The following GTF3A variants were observed in gnomAD, a reference collection of about 807,000 sequenced individuals.
GTF3A encodes general transcription factor IIIA, also known as transcription factor IIIA.
A neutral mutation model predicts 37.6 loss-of-function variants in GTF3A; 40 were observed. The ratio of observed to expected loss-of-function variants is 1.06; its 90% confidence interval spans 0.83 to 1.38. The LOEUF (loss-of-function observed/expected upper bound fraction) is 1.38, where lower values mean the gene tolerates loss of function less well. Ranked by LOEUF, GTF3A falls within the 40% of genes most tolerant of loss-of-function variation. The pLI is 0.00. For missense variants in GTF3A, 500 were observed against 462.6 expected, an observed-to-expected ratio of 1.08 and a Z score of -0.74; for synonymous variants, 191 against 166.7, an observed-to-expected ratio of 1.15 and a Z score of -1.12.
chr13:27,425,122 A>T (rs543903010), intron 1 of GTF3A, 184 bp downstream of exon 1: 1 of 527,500 alleles, frequency 1.9e-6, no homozygotes, highest in Admixed American at 3.9e-5. Context: ...TGCGACCTTG[A>T]TATCCATGGC....
chr13:27,433,089 C>G (rs548317157), intron 5 of GTF3A, among the ~76,000 whole-genome samples: 60 of 152,066 alleles, frequency 3.9e-4, no homozygotes, highest in African/African-American at 1.3e-3. Flanking sequence ...TTTGATGCTT[C>G]TGTCATTTTT....
In GTF3A at chr13:27,424,838, C is replaced by T; in HGVS notation, c.101C>T (p.Pro34Leu). The T allele has an allele frequency of 1.0e-5, 16 of 1,550,968 alleles. No homozygotes were observed. Among genetic ancestry groups the T allele is most frequent in the Non-Finnish European group, 1.4e-5 (16 of 1,146,842 alleles). ...AGCTCAGCTCCGACCCCGCCGCGCCCCGCGCTTCCCAGGAGGTTCATCTGC... is the reference window on the plus strand; with the variant it reads ...AGCTCAGCTCCGACCCCGCCGCGCCTCGCGCTTCCCAGGAGGTTCATCTGC... The change falls in exon 1 of 9, where the codon CCC (proline) becomes CTC (leucine). Residue 34 changes from proline (P) to leucine (L), a missense_variant. By Grantham distance (98) the Pro-to-Leu change is moderately conservative. Coordinates refer to ENST00000381140, the MANE Select transcript of GTF3A (RefSeq NM_002097.3).
In GTF3A at chr13:27,429,927, T is replaced by C; in HGVS notation, c.360T>C (p.His120=). The C allele has an allele frequency of 6.5e-7, 1 of 1,539,234 alleles. No homozygotes were observed. Among genetic ancestry groups the C allele is most frequent in the Non-Finnish European group, 8.8e-7 (1 of 1,142,272 alleles). The stretch of plus-strand genomic sequence containing the variant: ...ACACAAAATCAAACTTGAAGAAACA[T>C]TTTGAACGCAAACATGAAAATCAAC... Residue 120 remains histidine, a synonymous_variant, in exon 3 of 9, where the codon CAT becomes CAC. Coordinates refer to ENST00000381140, the MANE Select transcript of GTF3A (RefSeq NM_002097.3).
chr13:27,427,010 C>T lies in GTF3A; in HGVS notation c.202-82C>T, dbSNP rs558141924. 4.9e-4 allele frequency: 365 copies of T among 751,200 alleles called. 3 individuals carry two copies. The African/African-American group carries it at 5.8e-3, about 12-fold the overall frequency. 46.5% of individuals were successfully genotyped at this position (751,200 alleles called of 1,614,324 possible). The stretch of plus-strand genomic sequence containing the variant: ...CTTCATAGGAAGCCTGTGGCCTTAA[C>T]ACTAGGCAGTTTAAGCTTTTAAATA... On this transcript the variant is annotated intron_variant, in intron 1 of 8. Coordinates refer to ENST00000381140, the MANE Select transcript of GTF3A (RefSeq NM_002097.3).
At chr13:27,428,167 A>G (rs1953623218) in intron 2 of GTF3A, among the ~76,000 whole-genome samples, 2 of 152,182 alleles carry the variant, frequency 1.3e-5, no homozygotes, top group South Asian at 4.1e-4. Flanking sequence ...AACTGAGCTC[A>G]CTTTTCTGTT....
At chr13:27,429,676 G>A (rs1020349605) in intron 2 of GTF3A, among the ~76,000 whole-genome samples, 194 bp from the exon 3 acceptor site, 4 of 152,168 alleles carry the variant, frequency 2.6e-5, no homozygotes, top group African/African-American at 7.2e-5. Context: ...ATATGAAAAA[G>A]CATTTTGTTA....
rs1409585999 is a variant in GTF3A, at chr13:27,424,949, C to T, written c.201+11C>T. The T allele has an allele frequency of 2.6e-6, 4 of 1,539,118 alleles. No individual in the cohort carries two copies. The highest frequency in any genetic ancestry group is 2.5e-5 in the East Asian group (1 of 39,974). On this transcript the variant is annotated intron_variant, in intron 1 of 8. Transcript: ENST00000381140. ...AAGCACACGGGGGAGGTGAGGGGGG[C>T]GAGGCTGCCAACCCTGGGCCTAGGG...
intron 1 of GTF3A, 86 bp downstream of exon 1, chr13:27,425,024 G>T (rs1474476454): frequency 7.5e-6 from 7 of 933,622 alleles, no homozygotes; most frequent in Non-Finnish European, 1.1e-5. Context: ...AGGGCCGCAG[G>T]CCCCGCTGTG....
intron 8 of GTF3A, 116 bp downstream of exon 8, chr13:27,435,308 G>A: frequency 1.6e-6 from 2 of 1,271,782 alleles, no homozygotes; most frequent in Admixed American, 4.1e-5. Flanking sequence ...CACTACTGTT[G>A]AAGACTTTAC....
At chr13:27,430,279 G>A (rs1203242337) in intron 3 of GTF3A, among the ~76,000 whole-genome samples, 3 of 152,206 alleles carry the variant, frequency 2.0e-5, no homozygotes, top group Admixed American at 1.3e-4. Context: ...AATGATAAAG[G>A]TTTTAATTTG....
chr13:27,431,696 T>C (rs1953659024), intron 4 of GTF3A, among the ~76,000 whole-genome samples: 1 of 152,026 alleles, frequency 6.6e-6, no homozygotes, highest in Non-Finnish European at 1.5e-5. Flanking sequence ...GCTGCTTGAG[T>C]GATGGTGCGC....
At chr13:27,432,675 G>T in intron 4 of GTF3A, 56 bp from the exon 5 acceptor site, 1 of 1,414,298 alleles carries the variant, frequency 7.1e-7, no homozygotes, top group South Asian at 1.2e-5. Flanking sequence ...CATTGACCTT[G>T]AGCGGAGTTC....
At position 27,429,962 on chromosome 13, in the gene GTF3A, A is replaced by C; in HGVS notation, c.395A>C (p.Tyr132Ser). Residue 132 changes from tyrosine to serine, a missense_variant, in exon 3 of 9, where the codon TAT (tyrosine) becomes TCT (serine). Physicochemically the swap from Tyr to Ser is moderately radical, Grantham distance 144 (BLOSUM62 -2). Coordinates refer to ENST00000381140, the MANE Select transcript of GTF3A (RefSeq NM_002097.3). ...AAACATGAAAATCAACAAAAACAAT[A>C]TATAGTAAGTATGATTTTATATGCT... 6.9e-7 allele frequency: 1 copy of C among 1,459,180 alleles called. No individual in the cohort carries two copies. Among genetic ancestry groups the C allele is most frequent in the Non-Finnish European group, 9.3e-7 (1 of 1,077,132 alleles). The allele number at this position is 1,459,180 out of a possible 1,614,324, so 90.4% of individuals were successfully genotyped here.
rs1218825 is a variant in GTF3A, at chr13:27,435,783, G to T, written c.*186G>T. 4 of 1,613,984 alleles carry T rather than the reference G, an allele frequency of 2.5e-6. No individual in the cohort carries two copies. Among genetic ancestry groups the T allele is most frequent in the African/African-American group, 1.3e-5 (1 of 74,888 alleles). On this transcript the variant is annotated 3_prime_UTR_variant, in exon 9 of 9. Coordinates refer to ENST00000381140, the MANE Select transcript of GTF3A (RefSeq NM_002097.3). ...TATATGCCTTCTCCTCATTTTTGCT[G>T]AAAGCACGAAGAACACACATTAAAG... is the stretch of plus-strand genomic sequence containing the variant.
At chr13:27,434,515 G>A in intron 6 of GTF3A, 1 of 514,734 alleles carries the variant, frequency 1.9e-6, no homozygotes, top group South Asian at 2.6e-5. Context: ...GCATACTGGG[G>A]GACAAGGAAG....
chr13:27,426,039 A>C (rs1033562566), intron 1 of GTF3A: 33 of 152,652 alleles, frequency 2.2e-4, no homozygotes, highest in African/African-American at 7.9e-4. Flanking sequence ...GCGGTCTTAC[A>C]TAGCCACCGG....
chr13:27,424,750 G>C lies in GTF3A; in HGVS notation c.13G>C (p.Ala5Pro), dbSNP rs1279132748. The change falls in exon 1 of 9, where the codon GCC becomes CCC. Residue 5 changes from alanine (A) to proline (P), a missense_variant. Ala to Pro is a conservative substitution (Grantham distance 27, BLOSUM62 -1). Coordinates refer to ENST00000381140, the MANE Select transcript of GTF3A (RefSeq NM_002097.3). ...AGGCGCCGGCGCCCTGGATCCGCCG[G>C]CCGTGGTCGCCGAGTCGGTGTCGTC... The C allele has an allele frequency of 2.0e-6, 3 of 1,475,724 alleles. No homozygotes were observed. The highest frequency in any genetic ancestry group is 2.6e-5 in the South Asian group (2 of 75,634). 91.4% of individuals were successfully genotyped at this position (1,475,724 alleles called of 1,614,324 possible).
chr13:27,435,536 A>G lies in GTF3A; in HGVS notation c.1037A>G (p.Glu346Gly). 6.2e-7 allele frequency: 1 copy of G among 1,613,360 alleles called. No homozygotes were observed. Among genetic ancestry groups the G allele is most frequent in the Non-Finnish European group, 8.5e-7 (1 of 1,179,374 alleles). ...GGCTTATCTTTGTGTCAAAACGGAG[A>G]GTCACCCAACTGTGTGGAAGACAAG... The change falls in exon 9 of 9, where the codon GAG becomes GGG. Residue 346 changes from glutamate (E) to glycine (G), a missense_variant. Transcript: ENST00000381140.
At chr13:27,426,917 T>C (rs967312690) in intron 1 of GTF3A, among the ~76,000 whole-genome samples, 175 bp from the exon 2 acceptor site, 1 of 152,232 alleles carries the variant, frequency 6.6e-6, no homozygotes, top group African/African-American at 2.4e-5. Flanking sequence ...GTGATGTTTA[T>C]GTTGTGTAAC....
Sources: gnomAD v4.1 joint callset for allele counts (sites outside exome capture counted in the v4.1 genomes callset) on GRCh38, gnomAD v4.1.1 for gene constraint, MANE v1.5 for transcripts, NCBI Gene and HGNC (gene_info 2026-07-23, HGNC 2026-07-21) for gene names.